ADGRG2: variants seen among roughly 807,000 people sequenced by gnomAD.
The protein encoded by ADGRG2 is adhesion G protein-coupled receptor G2.
In ADGRG2, 26 loss-of-function variants were observed where a neutral mutation model predicts 74.1. That is an observed-to-expected ratio of 0.35 (90% CI 0.26 to 0.49). The LOEUF (loss-of-function observed/expected upper bound fraction) is 0.49. Among genes scored for constraint, ADGRG2 ranks in the 20% least tolerant of loss-of-function variants. The probability of loss-of-function intolerance (pLI) is 0.99; values close to 1 mark genes in which losing one functional copy is unlikely to be tolerated. For synonymous variants in ADGRG2, 296 were observed against 295.2 expected (o/e 1.00, Z -0.03); for missense variants, 619 against 763.1 (o/e 0.81, Z 2.22).
At chrX:19,072,246 A>G (rs1415862589) in intron 2 of ADGRG2, among the ~76,000 whole-genome samples, 1 of 110,278 alleles carries the variant, frequency 9.1e-6, no homozygotes. Flanking sequence ...TCTTCTACCA[A>G]TGTGGCCCAG....
intron 2 of ADGRG2, among the ~76,000 whole-genome samples, chrX:19,075,617 CAAAAAAA>C (rs61690480): frequency 1.5e-4 from 6 of 39,476 alleles, no homozygotes; most frequent in East Asian, 1.6e-3. Flanking sequence ...GACTTCGCCT[CAAAAAAA>C]AAAAAAAAAA....
intron 2 of ADGRG2, among the ~76,000 whole-genome samples, chrX:19,082,117 AAAG>A (rs1235646355): frequency 9.1e-6 from 1 of 109,321 alleles, no homozygotes; most frequent in Non-Finnish European, 1.9e-5. Flanking sequence ...GAAAGAAAGA[AAAG>A]AAAAGAAAAA....
At chrX:19,020,683 A>G (rs757043582) in intron 14 of ADGRG2, among the ~76,000 whole-genome samples, 2 of 111,877 alleles carry the variant, frequency 1.8e-5, no homozygotes, top group African/African-American at 6.5e-5. Context: ...AAATTGCCCA[A>G]TGGACAGGTG....
At chrX:19,006,308 TAAAA>T in intron 20 of ADGRG2, 43 bp from the exon 21 acceptor site, 4 of 683,564 alleles carry the variant, frequency 5.9e-6, no homozygotes, top group Non-Finnish European at 6.4e-6. Context: ...TTTACTGAAC[TAAAA>T]AAAAAAAAAG....
chrX:19,023,871 A>G, intron 12 of ADGRG2, 38 bp downstream of exon 12: 1 of 1,009,833 alleles, frequency 9.9e-7, no homozygotes, highest in Non-Finnish European at 1.4e-6. Flanking sequence ...AGGTCATAAC[A>G]ATAATTATAA....
intron 15 of ADGRG2, among the ~76,000 whole-genome samples, chrX:19,018,058 A>T (rs1429018192): frequency 2.7e-5 from 3 of 111,448 alleles, no homozygotes; most frequent in African/African-American, 9.8e-5. Flanking sequence ...TGGAGCAATG[A>T]TTTTAAGGCA....
At chrX:19,096,861 C>T (rs975805769) in intron 1 of ADGRG2, among the ~76,000 whole-genome samples, 6 of 112,696 alleles carry the variant, frequency 5.3e-5, no homozygotes, top group Non-Finnish European at 9.4e-5. Context: ...TCAGTCAGTA[C>T]AGGGAAAGTG....
At chrX:19,042,303 T>C (rs2061084207) in intron 3 of ADGRG2, among the ~76,000 whole-genome samples, 1 of 111,162 alleles carries the variant, frequency 9.0e-6, no homozygotes, top group Non-Finnish European at 1.9e-5. Flanking sequence ...ATGACACCTG[T>C]CAGTGTGGGC....
At chrX:19,007,906 C>T (rs1195594171) in intron 19 of ADGRG2, 74 bp downstream of exon 19, 3 of 895,273 alleles carry the variant, frequency 3.4e-6, no homozygotes, top group Non-Finnish European at 4.7e-6. Context: ...TAAGAATATT[C>T]GAGCACTAAA....
At chrX:19,090,044 T>C (rs756079811) in intron 1 of ADGRG2, among the ~76,000 whole-genome samples, 63 of 112,001 alleles carry the variant, frequency 5.6e-4, no homozygotes, top group African/African-American at 2.0e-3. Flanking sequence ...CTGTAAGTAC[T>C]ACAAGTACCA....
intron 2 of ADGRG2, among the ~76,000 whole-genome samples, chrX:19,073,476 A>G (rs2061686264): frequency 9.0e-6 from 1 of 111,688 alleles, no homozygotes; most frequent in Non-Finnish European, 1.9e-5. Context: ...TCTGATGTAA[A>G]TGGCAACCTC....
At chrX:19,092,393 G>A (rs1424383650) in intron 1 of ADGRG2, among the ~76,000 whole-genome samples, 3 of 107,891 alleles carry the variant, frequency 2.8e-5, no homozygotes, top group Admixed American at 1.0e-4. Flanking sequence ...TGATGGGGGC[G>A]AGAATAAAAT....
At chrX:19,032,319 TTTC>T (rs1195698164) in intron 8 of ADGRG2, 1 of 111,634 alleles carries the variant, frequency 9.0e-6, no homozygotes, top group Non-Finnish European at 1.9e-5. Context: ...AAATATTTCA[TTTC>T]TTCTTCTGTC....
chrX:19,031,521 T>G (rs1351940342), intron 8 of ADGRG2: 1 of 113,853 alleles, frequency 8.8e-6, no homozygotes, highest in African/African-American at 3.2e-5. Context: ...AACTACAAAA[T>G]TCAAAACATA....
intron 2 of ADGRG2, among the ~76,000 whole-genome samples, chrX:19,074,581 T>TTCTTCTTCTTCTTCTTCTTCTTCCTTC (rs2061711567): frequency 1.1e-5 from 1 of 87,587 alleles, no homozygotes; most frequent in African/African-American, 4.6e-5. Context: ...TTTTTTTTTG[T>TTCTTCTTCTTCTTCTTCTTCTTCCTTC]TTGTTTGAGG....
rs3924227 is a variant in ADGRG2, at chrX:18,999,879, T to A, written c.2312A>T (p.Asn771Ile). Reference protein sequence around the residue: ...YGLGSYGKFPNGSPDDFCWIN... With the variant: ...YGLGSYGKFPIGSPDDFCWIN... ...TACTCACAAGTCATCCGGTGAACCA[T>A]TGGGGAATTTCCCATAGGATCCAAG... The change falls in exon 25 of 29, where the codon AAT becomes ATT. Residue 771 changes from asparagine to isoleucine, a missense_variant. Asn to Ile is a moderately radical substitution (Grantham distance 149). Transcript: ENST00000379869. 8.5e-7 allele frequency: 1 copy of A among 1,179,389 alleles called. No homozygotes were observed. Among genetic ancestry groups the A allele is most frequent in the East Asian group, 3.0e-5 (1 of 33,724 alleles).
chrX:19,049,120 T>C, intron 3 of ADGRG2, among the ~76,000 whole-genome samples: 1 of 112,246 alleles, frequency 8.9e-6, no homozygotes, highest in Non-Finnish European at 1.9e-5. Flanking sequence ...CCTTTGCTGT[T>C]CCACCTGCCT....
chrX:19,118,680 TGCCCGGTTATCA>T (rs1456104250), intron 1 of ADGRG2, among the ~76,000 whole-genome samples: 1 of 112,469 alleles, frequency 8.9e-6, no homozygotes, highest in Non-Finnish European at 1.9e-5. Context: ...CGAGCCACTG[TGCCCGGTTATCA>T]GTTTTTGATA....
chrX:19,007,907 G>A (rs923455419), intron 19 of ADGRG2, 73 bp downstream of exon 19: 9 of 896,672 alleles, frequency 1.0e-5, no homozygotes, highest in Admixed American at 3.0e-5. Flanking sequence ...AAGAATATTC[G>A]AGCACTAAAA....
Sources: allele counts gnomAD v4.1 joint callset (sites outside exome capture counted in the v4.1 genomes callset), GRCh38; gene constraint gnomAD v4.1.1; transcripts MANE v1.5; gene names NCBI Gene and HGNC (gene_info 2026-07-23, HGNC 2026-07-21).